Variants in ADGRB3 observed in about 807,000 individuals in gnomAD.
ADGRB3 encodes the protein brain-specific angiogenesis inhibitor 3.
In ADGRB3, 37 loss-of-function variants were observed where a neutral mutation model predicts 193.4. The ratio of observed to expected loss-of-function variants is 0.19; its 90% CI spans 0.15 to 0.25. The LOEUF (loss-of-function observed/expected upper bound fraction) is 0.25, where lower values mean the gene tolerates loss of function less well. ADGRB3 is among the 10% of genes least tolerant of loss of function. The probability of loss-of-function intolerance (pLI) is 1.00; values close to 1 mark genes in which losing one functional copy is unlikely to be tolerated. For missense variants in ADGRB3, 1,637 were observed against 1,852.9 expected (o/e 0.88, Z 2.14); for synonymous variants, 690 against 644.2 (o/e 1.07, Z -1.08).
At chr6:68,981,063 A>T (rs1170413001) in intron 10 of ADGRB3, among the ~76,000 whole-genome samples, 1 of 151,628 alleles carries the variant, frequency 6.6e-6, no homozygotes, top group African/African-American at 2.4e-5. Context: ...TCATGAAATC[A>T]TGTGGACAAC....
chr6:69,117,092 C>T (rs2150327993), intron 17 of ADGRB3, among the ~76,000 whole-genome samples: 1 of 152,174 alleles, frequency 6.6e-6, no homozygotes, highest in Middle Eastern at 3.4e-3. Flanking sequence ...AAAAGATAGA[C>T]AAAAAAGTAT....
chr6:69,036,889 T>C (rs1770888001), intron 13 of ADGRB3, among the ~76,000 whole-genome samples: 2 of 152,154 alleles, frequency 1.3e-5, no homozygotes. Flanking sequence ...GCCATTGAAT[T>C]ATTTCAAGTA....
chr6:69,330,281 T>G (rs1482874185), intron 22 of ADGRB3, among the ~76,000 whole-genome samples: 1 of 152,226 alleles, frequency 6.6e-6, no homozygotes, highest in African/African-American at 2.4e-5. Context: ...AAGTAAAACC[T>G]TGTAATAAAA....
At chr6:69,331,841 C>T (rs556749176) in intron 23 of ADGRB3, 1 of 984,714 alleles carries the variant, frequency 1.0e-6, no homozygotes, top group Admixed American at 6.1e-5. Context: ...CCATAGAATA[C>T]ACTTTTTCTC....
chr6:69,089,209 T>A (rs1294076945), intron 17 of ADGRB3, among the ~76,000 whole-genome samples: 3 of 152,220 alleles, frequency 2.0e-5, no homozygotes, highest in Non-Finnish European at 4.4e-5. Context: ...TGAATTGTAT[T>A]GCAATGTGTC....
At chr6:69,354,191 T>C in intron 26 of ADGRB3, 42 bp from the exon 27 acceptor site, 1 of 1,434,448 alleles carries the variant, frequency 7.0e-7, no homozygotes, top group Non-Finnish European at 9.8e-7. Context: ...ATCTTGTCAT[T>C]ATTAAGAGAG....
intron 3 of ADGRB3, among the ~76,000 whole-genome samples, chr6:68,697,116 T>C (rs1027375474): frequency 1.3e-5 from 2 of 152,014 alleles, no homozygotes; most frequent in African/African-American, 4.8e-5. Context: ...GAGTTTATGT[T>C]AAAAAGAAAG....
intron 3 of ADGRB3, among the ~76,000 whole-genome samples, chr6:68,888,597 A>G (rs1449896279): frequency 4.0e-5 from 6 of 151,136 alleles, no homozygotes. Flanking sequence ...CCTGCCCTCC[A>G]GCTACCTTCT....
intron 17 of ADGRB3, among the ~76,000 whole-genome samples, chr6:69,096,424 C>G (rs1288882605): frequency 7.6e-5 from 11 of 145,646 alleles, no homozygotes; most frequent in African/African-American, 2.8e-4. Context: ...ATCTATTATG[C>G]CCATCCAGAT....
intron 8 of ADGRB3, among the ~76,000 whole-genome samples, chr6:68,957,730 A>T (rs1434826190): frequency 1.3e-5 from 2 of 152,202 alleles, no homozygotes; most frequent in East Asian, 3.9e-4. Context: ...ATCTCACATG[A>T]TTGTTTCAAC....
chr6:69,179,778 T>G (rs1462870619), intron 17 of ADGRB3, among the ~76,000 whole-genome samples: 1 of 152,134 alleles, frequency 6.6e-6, no homozygotes, highest in Non-Finnish European at 1.5e-5. Flanking sequence ...GTCAGCAGGT[T>G]TTATATTGGA....
intron 17 of ADGRB3, among the ~76,000 whole-genome samples, chr6:69,165,232 G>A (rs1285303842): frequency 1.3e-5 from 2 of 151,950 alleles, no homozygotes; most frequent in South Asian, 2.1e-4. Flanking sequence ...CACTTAAAAT[G>A]CATCTACAAC....
At chr6:69,086,425 T>C (rs1772552766) in intron 17 of ADGRB3, among the ~76,000 whole-genome samples, 1 of 152,160 alleles carries the variant, frequency 6.6e-6, no homozygotes, top group Non-Finnish European at 1.5e-5. Context: ...TTCACTAGTG[T>C]AGTAAGCTAG....
intron 3 of ADGRB3, among the ~76,000 whole-genome samples, chr6:68,782,725 G>T (rs1020298951): frequency 5.3e-5 from 8 of 152,134 alleles, no homozygotes; most frequent in Non-Finnish European, 1.2e-4. Flanking sequence ...GATGGCCAGT[G>T]ATGATGAGCA....
chr6:69,317,906 T>G (rs1768353065), intron 20 of ADGRB3, among the ~76,000 whole-genome samples: 1 of 151,516 alleles, frequency 6.6e-6, no homozygotes, highest in Non-Finnish European at 1.5e-5. Flanking sequence ...CTTAGATTAG[T>G]TTATTGATCT....
intron 17 of ADGRB3, among the ~76,000 whole-genome samples, chr6:69,163,461 G>A (rs1248107176): frequency 6.6e-6 from 1 of 151,850 alleles, no homozygotes; most frequent in Non-Finnish European, 1.5e-5. Context: ...AAGGTTAAAC[G>A]CTACTCAAAA....
At chr6:68,765,153 T>A (rs1036356060) in intron 3 of ADGRB3, among the ~76,000 whole-genome samples, 4 of 152,170 alleles carry the variant, frequency 2.6e-5, no homozygotes, top group Admixed American at 6.6e-5. Context: ...TTATGACTTT[T>A]ATGTTCTTTC....
chr6:68,932,720 G>GA (rs572480365), intron 4 of ADGRB3, among the ~76,000 whole-genome samples: 48 of 151,258 alleles, frequency 3.2e-4, no homozygotes, highest in Middle Eastern at 3.6e-3. Flanking sequence ...CTTTAAGCCA[G>GA]AAAAAAGACT....
intron 17 of ADGRB3, among the ~76,000 whole-genome samples, chr6:69,180,931 C>G (rs1313553926): frequency 6.6e-6 from 1 of 152,192 alleles, no homozygotes; most frequent in Non-Finnish European, 1.5e-5. Flanking sequence ...AAAATCCCAG[C>G]AGCTTTTCCT....
Sources: allele counts gnomAD v4.1 joint callset (sites outside exome capture counted in the v4.1 genomes callset), GRCh38; gene constraint gnomAD v4.1.1; transcripts MANE v1.5; gene names NCBI Gene and HGNC (gene_info 2026-07-23, HGNC 2026-07-21).